The following DLG2 variants were observed in gnomAD, a reference collection of about 807,000 sequenced individuals.
DLG2 encodes the protein disks large homolog 2.
A neutral mutation model predicts 132.5 loss-of-function variants in DLG2; 45 were observed. The ratio of observed to expected loss-of-function variants is 0.34; its 90% CI spans 0.27 to 0.44. DLG2 has a LOEUF of 0.44. Among genes scored for constraint, DLG2 ranks in the 20% least tolerant of loss-of-function variants. The pLI is 1.00. For synonymous variants in DLG2, 424 were observed against 419.6 expected (o/e 1.01, Z -0.13); for missense variants, 1,045 against 1,196.9 (o/e 0.87, Z 1.87).
At chr11:84,776,599 C>G (rs2070561442) in intron 6 of DLG2, among the ~76,000 whole-genome samples, 1 of 152,148 alleles carries the variant, frequency 6.6e-6, no homozygotes, top group African/African-American at 2.4e-5. Context: ...AACCACTGAT[C>G]TGATTTCTGT....
At chr11:83,562,747 G>GT (rs1472489942) in intron 19 of DLG2, among the ~76,000 whole-genome samples, 1 of 151,852 alleles carries the variant, frequency 6.6e-6, no homozygotes, top group Non-Finnish European at 1.5e-5. Flanking sequence ...GTTGAAGTAG[G>GT]TTTTTTCTAT....
chr11:85,240,364 ATTGT>A (rs1474190446), intron 4 of DLG2, among the ~76,000 whole-genome samples: 3 of 151,828 alleles, frequency 2.0e-5, no homozygotes, highest in Admixed American at 2.0e-4. Flanking sequence ...TAGACATCTA[ATTGT>A]TTGTAACTTG....
intron 6 of DLG2, among the ~76,000 whole-genome samples, chr11:84,758,183 T>C (rs2153842121): frequency 6.6e-6 from 1 of 152,234 alleles, no homozygotes; most frequent in East Asian, 1.9e-4. Context: ...ATCTGAGAGC[T>C]TTCTCTTTGT....
intron 5 of DLG2, among the ~76,000 whole-genome samples, chr11:85,146,327 C>G (rs2076857890): frequency 6.6e-6 from 1 of 151,204 alleles, no homozygotes; most frequent in African/African-American, 2.4e-5. Flanking sequence ...ACAGCCAGGA[C>G]TGTGCTGGAT....
chr11:84,330,669 G>C lies in DLG2; in HGVS notation c.520-79378C>G, dbSNP rs541325015. ...TAGCCCCATATGGTAGGCAGAGCAGGGGAGAAAACTAAGGTCCATTACCAT... is the reference window on the plus strand; with the variant it reads ...TAGCCCCATATGGTAGGCAGAGCAGCGGAGAAAACTAAGGTCCATTACCAT... On this transcript the variant is annotated intron_variant, in intron 7 of 27. Coordinates refer to ENST00000376104, the MANE Select transcript of DLG2 (RefSeq NM_001142699.3). Among the ~76,000 whole-genome samples the C allele has an allele frequency of 3.9e-5, 6 of 152,202 alleles. 1 individual carries two copies. In the South Asian group the frequency reaches 6.2e-4, roughly 16 times the overall value.
intron 19 of DLG2, among the ~76,000 whole-genome samples, chr11:83,596,175 A>T (rs1410825899): frequency 1.3e-5 from 2 of 152,200 alleles, no homozygotes; most frequent in Non-Finnish European, 2.9e-5. Flanking sequence ...CATCACATCA[A>T]ATCATCAAAG....
intron 6 of DLG2, chr11:85,020,874 C>T (rs2059997990): frequency 9.2e-6 from 7 of 763,990 alleles, no homozygotes; most frequent in Non-Finnish European, 1.7e-5. Context: ...CAGTAGGTCC[C>T]CCTCCTCAGC....
At chr11:84,489,708 T>C (rs1402057725) in intron 7 of DLG2, among the ~76,000 whole-genome samples, 12 of 152,150 alleles carry the variant, frequency 7.9e-5, no homozygotes, top group African/African-American at 2.9e-4. Context: ...TTGATTTACA[T>C]GGACTTTTCC....
At chr11:84,450,844 G>A (rs1335713002) in intron 7 of DLG2, among the ~76,000 whole-genome samples, 8 of 151,074 alleles carry the variant, frequency 5.3e-5, no homozygotes, top group Middle Eastern at 3.4e-3. Context: ...TGTAGCCTCC[G>A]TGCCTAACAA....
chr11:84,489,574 A>C (rs1360389756), intron 7 of DLG2, among the ~76,000 whole-genome samples: 2 of 152,062 alleles, frequency 1.3e-5, no homozygotes. Context: ...TTTATTATAC[A>C]AACCTAGCTC....
chr11:85,092,071 GA>G (rs2068874184), intron 6 of DLG2, among the ~76,000 whole-genome samples: 1 of 152,178 alleles, frequency 6.6e-6, no homozygotes, highest in Admixed American at 6.5e-5. Flanking sequence ...AATAAGACTT[GA>G]AAATTAAAAT....
intron 19 of DLG2, among the ~76,000 whole-genome samples, chr11:83,572,134 A>T (rs1321094381): frequency 1.3e-5 from 2 of 152,042 alleles, no homozygotes; most frequent in African/African-American, 4.8e-5. Flanking sequence ...TATAGTAAAC[A>T]TTTTTTAATG....
intron 3 of DLG2, among the ~76,000 whole-genome samples, chr11:85,315,757 C>T (rs552585656): frequency 1.2e-4 from 18 of 152,124 alleles, no homozygotes; most frequent in South Asian, 1.0e-3. Flanking sequence ...TTCTCTAACG[C>T]TCAGTCCACA....
intron 19 of DLG2, among the ~76,000 whole-genome samples, chr11:83,555,701 C>A (rs2096501255): frequency 6.6e-6 from 1 of 152,172 alleles, no homozygotes; most frequent in African/African-American, 2.4e-5. Context: ...TTTCTGGTTT[C>A]TCTTCCACTC....
intron 6 of DLG2, among the ~76,000 whole-genome samples, chr11:85,070,768 G>T (rs1331191594): frequency 6.6e-6 from 1 of 151,726 alleles, no homozygotes; most frequent in East Asian, 1.9e-4. Flanking sequence ...TTTTCACAGA[G>T]CCTGTTCTGA....
intron 14 of DLG2, among the ~76,000 whole-genome samples, chr11:83,941,243 G>A (rs1351881423): frequency 1.3e-5 from 2 of 149,338 alleles, no homozygotes; most frequent in Non-Finnish European, 3.0e-5. Context: ...TTGGCAATCT[G>A]CCAGCCCCAT....
At chr11:83,509,343 T>C (rs2094891649) in intron 21 of DLG2, among the ~76,000 whole-genome samples, 1 of 152,218 alleles carries the variant, frequency 6.6e-6, no homozygotes, top group East Asian at 1.9e-4. Flanking sequence ...CCACTTGTAA[T>C]GAGGCTCAGT....
At chr11:83,862,597 C>T (rs1474741717) in intron 16 of DLG2, among the ~76,000 whole-genome samples, 1 of 151,510 alleles carries the variant, frequency 6.6e-6, no homozygotes, top group Non-Finnish European at 1.5e-5. Flanking sequence ...AATTAAAGTG[C>T]ATAATTGGAT....
chr11:85,289,749 C>G (rs980472663), intron 3 of DLG2, among the ~76,000 whole-genome samples: 1 of 152,138 alleles, frequency 6.6e-6, no homozygotes. Flanking sequence ...CTTTTCTGAA[C>G]ACTTGGTTCT....
Sources: gnomAD v4.1 joint callset for allele counts (sites outside exome capture counted in the v4.1 genomes callset) on GRCh38, gnomAD v4.1.1 for gene constraint, MANE v1.5 for transcripts, NCBI Gene and HGNC (gene_info 2026-07-23, HGNC 2026-07-21) for gene names.